RGS6: variants seen among roughly 807,000 people sequenced by gnomAD.
RGS6 encodes the protein regulator of G protein signaling 6.
Under a neutral mutation model 78.5 loss-of-function variants are expected in RGS6, and 30 were observed. The ratio of observed to expected loss-of-function variants is 0.38; its 90% confidence interval spans 0.29 to 0.52. The LOEUF is 0.52. RGS6 is among the 20% of genes least tolerant of loss of function. The probability of loss-of-function intolerance (pLI) is 0.85; values close to 1 mark genes in which losing one functional copy is unlikely to be tolerated. For synonymous variants in RGS6, 206 were observed against 206.0 expected (o/e 1.00, Z 0.00); for missense variants, 495 against 609.7 (o/e 0.81, Z 1.98).
Position 72,208,268 on chromosome 14 carries a change from G to A in RGS6, c.85-143827G>A, listed in dbSNP as rs1429508314. The stretch of plus-strand genomic sequence containing the variant: ...TGGAGCTGAGACATTGCAGATGGAA[G>A]CCCATCAGAGCATGGAACCAACACA... On this transcript the variant is annotated intron_variant, in intron 2 of 17. Coordinates refer to ENST00000553525, the MANE Select transcript of RGS6 (RefSeq NM_001204424.2). 3.3e-5 allele frequency among the ~76,000 whole-genome samples: 5 copies of A among 152,280 alleles called. No individual in the cohort carries two copies. The East Asian group carries it at 9.7e-4, about 29-fold the overall frequency.
chr14:72,434,406 A>G (rs879434415), intron 3 of RGS6, among the ~76,000 whole-genome samples: 2 of 152,198 alleles, frequency 1.3e-5, no homozygotes, highest in Non-Finnish European at 2.9e-5. Flanking sequence ...TCCTTCAGCA[A>G]AGTGTTCTGA....
chr14:72,386,308 C>T (rs140280875), intron 3 of RGS6, among the ~76,000 whole-genome samples: 12 of 152,208 alleles, frequency 7.9e-5, no homozygotes, highest in South Asian at 4.1e-4. Flanking sequence ...GAGGCTGAGG[C>T]GGGCAGACTG....
At chr14:72,184,820 A>T (rs1355590892) in intron 2 of RGS6, among the ~76,000 whole-genome samples, 1 of 152,226 alleles carries the variant, frequency 6.6e-6, no homozygotes, top group African/African-American at 2.4e-5. Flanking sequence ...AAATGTATTT[A>T]TATGTATTGT....
rs2153233503 is a variant in RGS6 at position 72,459,615 on chromosome 14, C to T, written c.343-17C>T. On this transcript the variant is annotated splice_polypyrimidine_tract_variant and intron_variant, in intron 5 of 17. Transcript: ENST00000553525. Reference sequence around the variant, plus strand: ...CATGGCGCGCCCCTGAGCACTAACACCCATGCTCCTTTGCAGGCTCCGTAC... The same window carrying T: ...CATGGCGCGCCCCTGAGCACTAACATCCATGCTCCTTTGCAGGCTCCGTAC... The T allele has an allele frequency of 6.2e-7, 1 of 1,613,864 alleles. No individual in the cohort carries two copies. The highest frequency in any genetic ancestry group is 8.5e-7 in the Non-Finnish European group (1 of 1,179,896).
At chr14:72,549,526 C>T (rs1273868516) in intron 17 of RGS6, among the ~76,000 whole-genome samples, 1 of 152,160 alleles carries the variant, frequency 6.6e-6, no homozygotes, top group East Asian at 1.9e-4. Context: ...GCCTTTTACC[C>T]AATGCCAGTT....
chr14:71,876,806 G>A, the RGS6 span, among the ~76,000 whole-genome samples: 1 of 152,010 alleles, frequency 6.6e-6, no homozygotes, highest in Non-Finnish European at 1.5e-5. Flanking sequence ...TTTTGCAGTG[G>A]CTGGTACCAA....
At chr14:72,226,278 A>G (rs952767142) in intron 2 of RGS6, among the ~76,000 whole-genome samples, 1 of 152,254 alleles carries the variant, frequency 6.6e-6, no homozygotes, top group Admixed American at 6.5e-5. Flanking sequence ...CTTCAAAAGC[A>G]GTATTTTTAA....
chr14:72,103,341 C>T (rs2095565642), intron 2 of RGS6, among the ~76,000 whole-genome samples: 1 of 152,172 alleles, frequency 6.6e-6, no homozygotes, highest in African/African-American at 2.4e-5. Context: ...AACCCTCAGC[C>T]CCTTGAAATG....
intron 2 of RGS6, among the ~76,000 whole-genome samples, chr14:72,080,785 C>G (rs2094789251): frequency 6.6e-6 from 1 of 152,074 alleles, no homozygotes; most frequent in African/African-American, 2.4e-5. Context: ...GTCTTTTCCC[C>G]ATGTGTGTTC....
chr14:72,066,383 C>G (rs1253650936), intron 2 of RGS6, among the ~76,000 whole-genome samples: 1 of 151,974 alleles, frequency 6.6e-6, no homozygotes, highest in Non-Finnish European at 1.5e-5. Flanking sequence ...AGCCCAGCAA[C>G]TAGCAATTTT....
the RGS6 span, among the ~76,000 whole-genome samples, chr14:71,912,744 T>A: frequency 6.6e-6 from 1 of 152,210 alleles, no homozygotes; most frequent in Admixed American, 6.5e-5. Flanking sequence ...TCCTGATAAA[T>A]AGCTGCAGAT....
intron 3 of RGS6, among the ~76,000 whole-genome samples, chr14:72,404,376 G>A (rs2092737770): frequency 6.6e-6 from 1 of 152,164 alleles, no homozygotes; most frequent in Non-Finnish European, 1.5e-5. Context: ...TTTGTCCAAT[G>A]TGCTCTGTAT....
intron 17 of RGS6, among the ~76,000 whole-genome samples, chr14:72,556,475 AC>A (rs1168046088): frequency 6.6e-6 from 1 of 152,156 alleles, no homozygotes; most frequent in African/African-American, 2.4e-5. Flanking sequence ...TTGGGTTCAG[AC>A]CCAGAGCCAA....
chr14:72,048,329 A>G (rs1189902220), intron 2 of RGS6, among the ~76,000 whole-genome samples: 1 of 152,186 alleles, frequency 6.6e-6, no homozygotes, highest in East Asian at 1.9e-4. Flanking sequence ...CCTTTAACTC[A>G]CTTCTCCAGG....
chr14:72,620,040 T>C, the RGS6 span: 34 of 1,459,496 alleles, frequency 2.3e-5, no homozygotes, highest in African/African-American at 4.2e-5. Context: ...TCGGGGCCAA[T>C]GTCTGGCCCC....
intron 2 of RGS6, among the ~76,000 whole-genome samples, chr14:72,110,248 A>G (rs1472001543): frequency 1.3e-5 from 2 of 152,222 alleles, no homozygotes; most frequent in Admixed American, 1.3e-4. Context: ...TTACAGAGGA[A>G]GAGACTTATT....
In RGS6 at chr14:72,556,353, C is replaced by T. The variant is rs148209240; in HGVS notation, c.1423-6064C>T. On this transcript the variant is annotated intron_variant, in intron 17 of 17. Coordinates refer to ENST00000553525, the MANE Select transcript of RGS6 (RefSeq NM_001204424.2). ...AACCATCGGATCTCATGAGAACTCA[C>T]TCCCTATCACGAGAATAGCATGGGG... Among the ~76,000 whole-genome samples, 724 of 152,262 alleles carry T rather than the reference C, an allele frequency of 4.8e-3. 2 individuals carry two copies. The highest frequency in any genetic ancestry group is 9.0e-3 in the Non-Finnish European group (611 of 68,014).
chr14:71,898,472 T>C, the RGS6 span, among the ~76,000 whole-genome samples: 5,963 of 152,304 alleles, frequency 0.039, 439 homozygotes, highest in African/African-American at 0.14. Context: ...CTATGTACAA[T>C]AGAGATGTTC....
At chr14:72,116,205 T>A (rs1450490399) in intron 2 of RGS6, among the ~76,000 whole-genome samples, 2 of 152,154 alleles carry the variant, frequency 1.3e-5, no homozygotes, top group Admixed American at 1.3e-4. Context: ...CTAGAGTTGA[T>A]ACCAGACAGT....
Sources: allele counts gnomAD v4.1 joint callset (sites outside exome capture counted in the v4.1 genomes callset), GRCh38; gene constraint gnomAD v4.1.1; transcripts MANE v1.5; gene names NCBI Gene and HGNC (gene_info 2026-07-23, HGNC 2026-07-21).